Variants in ADCY5 observed in about 807,000 individuals in gnomAD.
ADCY5 encodes adenylate cyclase 5.
Under a neutral mutation model 119.7 loss-of-function variants are expected in ADCY5, and 30 were observed. The observed-to-expected ratio is 0.25, with a 90% CI of 0.19 to 0.34. ADCY5 has a LOEUF of 0.34. ADCY5 is among the 10% of genes least tolerant of loss of function. The pLI, the probability that ADCY5 is intolerant of heterozygous loss-of-function variation, is 1.00. For missense variants in ADCY5, 1,324 were observed against 1,775.2 expected, an observed-to-expected ratio of 0.75 and a Z score of 4.57; for synonymous variants, 753 against 762.2, an observed-to-expected ratio of 0.99 and a Z score of 0.20.
chr3:123,363,781 C>A (rs1268935259), intron 1 of ADCY5, among the ~76,000 whole-genome samples: 1 of 152,130 alleles, frequency 6.6e-6, no homozygotes, highest in Non-Finnish European at 1.5e-5. Flanking sequence ...TGGTGGCATG[C>A]ACCTGTAGTC....
intron 1 of ADCY5, chr3:123,419,288 C>G (rs1945253420): frequency 1.2e-6 from 1 of 806,590 alleles, no homozygotes; most frequent in East Asian, 1.3e-4. Flanking sequence ...CGTCCGCCCA[C>G]CCACTTCTCT....
At position 123,448,407 on chromosome 3, in the gene ADCY5, C is replaced by T. The variant is rs564518568; in HGVS notation, c.139G>A (p.Gly47Arg). 1 of 1,414,994 alleles carries T rather than the reference C, an allele frequency of 7.1e-7. No homozygotes were observed. Among genetic ancestry groups the T allele is most frequent in the Non-Finnish European group, 9.2e-7 (1 of 1,088,578 alleles). 87.7% of individuals were successfully genotyped at this position (1,414,994 alleles called of 1,614,324 possible). A position where few individuals can be genotyped will look rare whatever the true frequency, so the allele number is the denominator to read the frequency against. Residue 47 changes from glycine (G) to arginine (R), a missense_variant, in exon 1 of 21, where the codon GGG (glycine) becomes AGG (arginine). Physicochemically the swap from Gly to Arg is moderately radical, Grantham distance 125 (BLOSUM62 -2). Coordinates refer to ENST00000462833, the MANE Select transcript of ADCY5 (RefSeq NM_183357.3). ...SRANGYPHAP[G>R]GSARGSTKKP... ...TTGGTGGAGCCGCGGGCAGAGCCCC[C>T]GGGGGCATGGGGGTAGCCATTCGCG...
chr3:123,387,684 T>G (rs1388891391), intron 1 of ADCY5, among the ~76,000 whole-genome samples: 1 of 152,152 alleles, frequency 6.6e-6, no homozygotes, highest in Non-Finnish European at 1.5e-5. Flanking sequence ...CTATTGCAGA[T>G]GCAAAAAAGA....
chr3:123,380,577 G>A (rs1331110720), intron 1 of ADCY5, among the ~76,000 whole-genome samples: 2 of 152,162 alleles, frequency 1.3e-5, no homozygotes, highest in Non-Finnish European at 2.9e-5. Context: ...CAGAGCCTAG[G>A]CCACCTCCAC....
At chr3:123,394,338 G>A (rs1288939466) in intron 1 of ADCY5, among the ~76,000 whole-genome samples, 4 of 152,054 alleles carry the variant, frequency 2.6e-5, no homozygotes, top group African/African-American at 7.2e-5. Flanking sequence ...GTTTTTGAAC[G>A]AATTTTTTTT....
intron 1 of ADCY5, among the ~76,000 whole-genome samples, chr3:123,372,433 G>A (rs537799293): frequency 6.6e-6 from 1 of 152,312 alleles, no homozygotes; most frequent in South Asian, 2.1e-4. Context: ...AGGGCACCCA[G>A]GCAAGGAGAT....
chr3:123,368,261 T>C (rs906428436), intron 1 of ADCY5, among the ~76,000 whole-genome samples: 1 of 152,108 alleles, frequency 6.6e-6, no homozygotes, highest in African/African-American at 2.4e-5. Context: ...AACAATGCCA[T>C]TAGAGATCTG....
intron 1 of ADCY5, among the ~76,000 whole-genome samples, chr3:123,436,099 C>T (rs1285561840): frequency 6.6e-6 from 1 of 151,402 alleles, no homozygotes; most frequent in Non-Finnish European, 1.5e-5. Flanking sequence ...ACTGTGTTAG[C>T]CAAGATGGCC....
intron 1 of ADCY5, among the ~76,000 whole-genome samples, chr3:123,364,102 A>G (rs757260403): frequency 9.8e-5 from 15 of 152,352 alleles, no homozygotes; most frequent in Non-Finnish European, 1.5e-5. Context: ...TCAAAATGTT[A>G]ACAGTGATGG....
intron 12 of ADCY5, among the ~76,000 whole-genome samples, chr3:123,313,964 C>T (rs1940738941): frequency 6.6e-6 from 1 of 152,212 alleles, no homozygotes; most frequent in African/African-American, 2.4e-5. Context: ...CATGAATAGG[C>T]ACAGCACCCA....
At chr3:123,353,102 G>A (rs1942899270) in intron 1 of ADCY5, among the ~76,000 whole-genome samples, 1 of 152,196 alleles carries the variant, frequency 6.6e-6, no homozygotes, top group Non-Finnish European at 1.5e-5. Context: ...AGGCTGGCCA[G>A]TCGGGGTCCA....
chr3:123,347,049 G>C (rs948206458), intron 3 of ADCY5, among the ~76,000 whole-genome samples: 1 of 152,140 alleles, frequency 6.6e-6, no homozygotes, highest in Non-Finnish European at 1.5e-5. Flanking sequence ...GTGCAGCCTG[G>C]CTGTACCACT....
At chr3:123,364,940 T>C (rs1943381486) in intron 1 of ADCY5, among the ~76,000 whole-genome samples, 1 of 151,496 alleles carries the variant, frequency 6.6e-6, no homozygotes, top group South Asian at 2.1e-4. Flanking sequence ...TTTCACTTTT[T>C]TTTTTTTTTT....
intron 1 of ADCY5, among the ~76,000 whole-genome samples, chr3:123,410,188 G>A (rs1306035336): frequency 6.6e-6 from 1 of 152,156 alleles, no homozygotes; most frequent in African/African-American, 2.4e-5. Flanking sequence ...GGAAGGATGG[G>A]GGCTGGAACA....
At chr3:123,391,930 G>A (rs534351098) in intron 1 of ADCY5, among the ~76,000 whole-genome samples, 23 of 152,214 alleles carry the variant, frequency 1.5e-4, no homozygotes, top group African/African-American at 2.2e-4. Context: ...CTTCATCTCC[G>A]TCCCAGGGGT....
chr3:123,428,316 C>T (rs1178021420), intron 1 of ADCY5, among the ~76,000 whole-genome samples: 1 of 152,154 alleles, frequency 6.6e-6, no homozygotes, highest in East Asian at 1.9e-4. Context: ...GACTTTTGTG[C>T]CTGCAGTCAT....
chr3:123,333,733 T>C (rs1941891709), intron 3 of ADCY5, among the ~76,000 whole-genome samples: 1 of 152,242 alleles, frequency 6.6e-6, no homozygotes, highest in Non-Finnish European at 1.5e-5. Context: ...GCACTGGGCC[T>C]GCTCCTGGGG....
At chr3:123,363,637 A>C (rs1943334996) in intron 1 of ADCY5, among the ~76,000 whole-genome samples, 1 of 152,228 alleles carries the variant, frequency 6.6e-6, no homozygotes, top group East Asian at 1.9e-4. Context: ...CACCAGGCGC[A>C]GTGGCTCACA....
intron 3 of ADCY5, among the ~76,000 whole-genome samples, chr3:123,335,802 G>A (rs535538447): frequency 8.1e-4 from 123 of 152,352 alleles, no homozygotes; most frequent in African/African-American, 2.8e-3. Context: ...CCACCTCCCA[G>A]GAGAAGCACA....
Sources: gnomAD v4.1 joint callset for allele counts (sites outside exome capture counted in the v4.1 genomes callset) on GRCh38, gnomAD v4.1.1 for gene constraint, MANE v1.5 for transcripts, NCBI Gene and HGNC (gene_info 2026-07-23, HGNC 2026-07-21) for gene names.